The following COPS7A variants were observed in gnomAD, a reference collection of about 807,000 sequenced individuals.
COPS7A encodes the protein COP9 signalosome complex subunit 7a.
A neutral mutation model predicts 35.2 loss-of-function variants in COPS7A; 20 were observed. That is an observed-to-expected ratio of 0.57 (90% CI 0.40 to 0.83). COPS7A has a LOEUF of 0.83. Among genes scored for constraint, COPS7A ranks in the 40% least tolerant of loss-of-function variants. COPS7A has a pLI of 0.00. For missense variants in COPS7A, 247 were observed against 347.5 expected, an observed-to-expected ratio of 0.71 and a Z score of 2.30; for synonymous variants, 139 against 141.4, an observed-to-expected ratio of 0.98 and a Z score of 0.12.
chr12:6,726,842 C>T (rs1592468416), intron 2 of COPS7A, among the ~76,000 whole-genome samples: 1 of 152,118 alleles, frequency 6.6e-6, no homozygotes, highest in East Asian at 1.9e-4. Flanking sequence ...AAGCACCAGG[C>T]ATGGAGCTTA....
intron 2 of COPS7A, chr12:6,725,870 C>G (rs1219277666): frequency 2.2e-6 from 1 of 456,080 alleles, no homozygotes; most frequent in Non-Finnish European, 4.4e-6. Context: ...TGCAGTGGAA[C>G]TAAAGAGTAT....
intron 3 of COPS7A, 86 bp from the exon 4 acceptor site, chr12:6,728,137 A>T (rs1050475460): frequency 2.0e-6 from 3 of 1,467,718 alleles, no homozygotes; most frequent in South Asian, 2.3e-5. Flanking sequence ...CTGAATTGGC[A>T]TTGAAAGTGG....
rs1019695486 is a variant in COPS7A, at chr12:6,731,393, C to T, written c.*354C>T. ...CTCTGTCTGGAGCATAACCCACAGG[C>T]GTTTTTTCTGCCACCCCATCCCTGC... On this transcript the variant is annotated 3_prime_UTR_variant, in exon 8 of 8. Coordinates refer to ENST00000543155, the MANE Select transcript of COPS7A (RefSeq NM_001164094.2). 54 of 1,218,430 alleles carry T rather than the reference C, an allele frequency of 4.4e-5. No individual in the cohort carries two copies. The highest frequency in any genetic ancestry group is 3.0e-4 in the Middle Eastern group (1 of 3,316). The allele number at this position is 1,218,430 out of a possible 1,614,324, so 75.5% of individuals were successfully genotyped here.
intron 5 of COPS7A, 49 bp from the exon 6 acceptor site, chr12:6,730,353 G>C: frequency 6.4e-7 from 1 of 1,570,050 alleles, no homozygotes; most frequent in Non-Finnish European, 8.8e-7. Context: ...CTGTGAGTCT[G>C]TGATCGCAGC....
chr12:6,724,203 G>T, intron 1 of COPS7A, 24 bp downstream of exon 1: 1 of 271,966 alleles, frequency 3.7e-6, no homozygotes, highest in South Asian at 2.8e-5. Context: ...GTCGGCGGGA[G>T]CCCACGGTCG....
In COPS7A at chr12:6,730,451, C is replaced by T. The variant is rs1486287009; in HGVS notation, c.580C>T (p.Arg194Cys). 6 of 1,614,106 alleles carry T rather than the reference C, an allele frequency of 3.7e-6. No individual in the cohort carries two copies. Among genetic ancestry groups the T allele is most frequent in the Admixed American group, 1.7e-5 (1 of 60,010 alleles). Residue 194 changes from arginine (R) to cysteine (C), a missense_variant, in exon 6 of 8, where the codon CGT becomes TGT. Coordinates refer to ENST00000543155, the MANE Select transcript of COPS7A (RefSeq NM_001164094.2). ...VLSGIEEQVSRANQHKEQQLG... is the reference protein window; with the variant it reads ...VLSGIEEQVSCANQHKEQQLG... ...GTCAGGCATTGAGGAGCAGGTGAGCCGTGCCAACCAACACAAGGAGCAGCA... is the reference window on the plus strand; with the variant it reads ...GTCAGGCATTGAGGAGCAGGTGAGCTGTGCCAACCAACACAAGGAGCAGCA...
At chr12:6,726,782 C>G (rs137916934) in intron 2 of COPS7A, among the ~76,000 whole-genome samples, 1 of 151,734 alleles carries the variant, frequency 6.6e-6, no homozygotes, top group Non-Finnish European at 1.5e-5. Flanking sequence ...AAAAGAAGCA[C>G]TTATTAAGTG....
chr12:6,730,421 G>A lies in COPS7A; in HGVS notation c.550G>A (p.Val184Met), dbSNP rs144125600. Residue 184 changes from valine to methionine, a missense_variant, in exon 6 of 8, where the codon GTG (valine) becomes ATG (methionine). By Grantham distance (21) the Val-to-Met change is conservative (BLOSUM62 1). Coordinates refer to ENST00000543155, the MANE Select transcript of COPS7A (RefSeq NM_001164094.2). Reference protein sequence around the residue: ...LQEWCVGCEVVLSGIEEQVSR... With the variant: ...LQEWCVGCEVMLSGIEEQVSR... Reference sequence around the variant, plus strand: ...CTGCAGGTGTGTGGGCTGTGAGGTCGTGCTGTCAGGCATTGAGGAGCAGGT... The same window carrying A: ...CTGCAGGTGTGTGGGCTGTGAGGTCATGCTGTCAGGCATTGAGGAGCAGGT... 48 of 1,613,976 alleles carry A rather than the reference G, an allele frequency of 3.0e-5. No individual in the cohort carries two copies. The highest frequency in any genetic ancestry group is 2.6e-5 in the Non-Finnish European group (31 of 1,180,006).
In COPS7A at chr12:6,731,410, C is replaced by T. The variant is rs1941393756; in HGVS notation, c.*371C>T. 3.9e-6 allele frequency: 4 copies of T among 1,016,808 alleles called. No individual in the cohort carries two copies. The highest frequency in any genetic ancestry group is 5.3e-6 in the Non-Finnish European group (4 of 761,672). The allele number at this position is 1,016,808 out of a possible 1,614,324, so 63.0% of individuals were successfully genotyped here. A position where few individuals can be genotyped will look rare whatever the true frequency, so the allele number is the denominator to read the frequency against. On this transcript the variant is annotated 3_prime_UTR_variant, in exon 8 of 8. Transcript: ENST00000543155. ...CCCACAGGCGTTTTTTCTGCCACCC[C>T]ATCCCTGCATGCCTGATCCCCAGTT...
chr12:6,726,206 T>G (rs1318558286), intron 2 of COPS7A, among the ~76,000 whole-genome samples: 6 of 147,758 alleles, frequency 4.1e-5, no homozygotes, highest in African/African-American at 1.5e-4. Context: ...CCCAGCTGCT[T>G]GGAAGGGTGA....
At chr12:6,727,203 G>A (rs1454105370) in intron 2 of COPS7A, among the ~76,000 whole-genome samples, 1 of 152,050 alleles carries the variant, frequency 6.6e-6, no homozygotes, top group Non-Finnish European at 1.5e-5. Context: ...CTGGTGTGGT[G>A]GTGCACGCCT....
intron 2 of COPS7A, among the ~76,000 whole-genome samples, chr12:6,725,453 A>G (rs1269315230): frequency 6.6e-6 from 1 of 152,120 alleles, no homozygotes; most frequent in Non-Finnish European, 1.5e-5. Flanking sequence ...CACCGCACCT[A>G]GCCAACTTTC....
In COPS7A at chr12:6,730,755, G is replaced by A; in HGVS notation, c.723G>A (p.Glu241=). 6.2e-7 allele frequency: 1 copy of A among 1,614,222 alleles called. No individual in the cohort carries two copies. The highest frequency in any genetic ancestry group is 8.5e-7 in the Non-Finnish European group (1 of 1,180,044). Reference sequence around the variant, plus strand: ...AGGACCCTGAGCAACACCTGACTGAGCTGAGGGAACCAGCTCCTGGCACCA... The same window carrying A: ...AGGACCCTGAGCAACACCTGACTGAACTGAGGGAACCAGCTCCTGGCACCA... The part of the protein sequence containing the change: ...TSQDPEQHLT[E]LREPAPGTNQ... Residue 241 remains glutamate, a synonymous_variant, in exon 7 of 8, where the codon GAG becomes GAA. Coordinates refer to ENST00000543155, the MANE Select transcript of COPS7A (RefSeq NM_001164094.2).
rs539659649 is a variant in COPS7A, at chr12:6,726,004, A to C, written c.162+1186A>C. Reference sequence around the variant, plus strand: ...GCAGGAGGTGAAACCGATATGGCAGAATCCTGTCTCTGTTAAAAATACAAA... The same window carrying C: ...GCAGGAGGTGAAACCGATATGGCAGCATCCTGTCTCTGTTAAAAATACAAA... On this transcript the variant is annotated intron_variant, in intron 2 of 7. Coordinates refer to ENST00000543155, the MANE Select transcript of COPS7A (RefSeq NM_001164094.2). The C allele has an allele frequency of 2.8e-5, 12 of 428,976 alleles. No individual in the cohort carries two copies. In the East Asian group the frequency reaches 8.6e-4, roughly 31 times the overall value. The allele number at this position is 428,976 out of a possible 1,614,324, so 26.6% of individuals were successfully genotyped here. A position where few individuals can be genotyped will look rare whatever the true frequency, so the allele number is the denominator to read the frequency against.
chr12:6,724,664 C>T lies in COPS7A; in HGVS notation c.8C>T (p.Ala3Val). Residue 3 changes from alanine to valine, a missense_variant, in exon 2 of 8, where the codon GCG becomes GTG. Transcript: ENST00000543155. The stretch of plus-strand genomic sequence containing the variant: ...CCCACACTCAGTGCAGTGATGAGTG[C>T]GGAAGTGAAGGTGACAGGGCAGAAC... MS[A>V]EVKVTGQNQE... 2 of 1,614,016 alleles carry T rather than the reference C, an allele frequency of 1.2e-6. No homozygotes were observed. Among genetic ancestry groups the T allele is most frequent in the Non-Finnish European group, 1.7e-6 (2 of 1,179,958 alleles).
At position 6,729,295 on chromosome 12, in the gene COPS7A, C is replaced by T. The variant is rs1941334010; in HGVS notation, c.376C>T (p.Arg126Trp). Residue 126 changes from arginine to tryptophan, a missense_variant, in exon 5 of 8, where the codon CGG becomes TGG. By Grantham distance (101) the Arg-to-Trp change is moderately radical. Coordinates refer to ENST00000543155, the MANE Select transcript of COPS7A (RefSeq NM_001164094.2). This position sits in a 1 kb window ranked among gnomAD's most constrained non-coding sequence, Gnocchi z 4.2. ...LLEALALRNV[R>W]QLEDLVIEAV... The stretch of plus-strand genomic sequence containing the variant: ...GGAGGCTCTTGCCCTGCGTAATGTG[C>T]GGCAGCTGGAAGACCTTGTGATTGA... 4 of 1,614,116 alleles carry T rather than the reference C, an allele frequency of 2.5e-6. No individual in the cohort carries two copies. Among genetic ancestry groups the T allele is most frequent in the South Asian group, 2.2e-5 (2 of 91,076 alleles).
intron 7 of COPS7A, 38 bp from the exon 8 acceptor site, chr12:6,730,960 TTC>T (rs367598603): frequency 0.016 from 19,637 of 1,239,806 alleles, no homozygotes; most frequent in South Asian, 0.02. Flanking sequence ...ATTCCCTGCA[TTC>T]TCTCTCTCTC....
intron 2 of COPS7A, among the ~76,000 whole-genome samples, chr12:6,725,407 T>TC (rs1191929959): frequency 6.6e-6 from 1 of 152,160 alleles, no homozygotes; most frequent in African/African-American, 2.4e-5. Context: ...TCCGCCCGCC[T>TC]TGACCTCCCA....
Position 6,730,786 on chromosome 12 carries a change from C to T in COPS7A, c.754C>T (p.Arg252Cys). ...GGAACCAGCTCCTGGCACCAACCAG[C>T]GCCAGCCCAGCAAGAAAGCCTCAAA... ...LREPAPGTNQRQPSKKASKGK... is the reference protein window; with the variant it reads ...LREPAPGTNQCQPSKKASKGK... Residue 252 changes from arginine to cysteine, a missense_variant, in exon 7 of 8, where the codon CGC becomes TGC. Coordinates refer to ENST00000543155, the MANE Select transcript of COPS7A (RefSeq NM_001164094.2). 6.2e-7 allele frequency: 1 copy of T among 1,614,174 alleles called. No individual in the cohort carries two copies. Among genetic ancestry groups the T allele is most frequent in the Non-Finnish European group, 8.5e-7 (1 of 1,180,020 alleles).
Sources: allele counts gnomAD v4.1 joint callset (sites outside exome capture counted in the v4.1 genomes callset), GRCh38; gene constraint gnomAD v4.1.1; non-coding constraint Gnocchi (gnomAD v3.1); transcripts MANE v1.5; gene names NCBI Gene and HGNC (gene_info 2026-07-23, HGNC 2026-07-21).